BIRC6: variants seen among roughly 807,000 people sequenced by gnomAD.
BIRC6 encodes the protein dual E2 ubiquitin-conjugating enzyme/E3 ubiquitin-protein ligase BIRC6.
In BIRC6, 98 loss-of-function variants were observed where a neutral mutation model predicts 503.3. The ratio of observed to expected loss-of-function variants is 0.19; its 90% CI spans 0.17 to 0.23. The LOEUF (loss-of-function observed/expected upper bound fraction) is 0.23, where lower values mean the gene tolerates loss of function less well. Among genes scored for constraint, BIRC6 ranks in the 10% least tolerant of loss-of-function variants. BIRC6 has a pLI of 1.00. For synonymous variants in BIRC6, 2,240 were observed against 2,078.7 expected (o/e 1.08, Z -2.11); for missense variants, 5,360 against 5,806.0 (o/e 0.92, Z 2.50).
chr2:32,409,808 G>T (rs1449538928), intron 9 of BIRC6, among the ~76,000 whole-genome samples: 2 of 152,192 alleles, frequency 1.3e-5, no homozygotes, highest in African/African-American at 2.4e-5. Flanking sequence ...TTGTTTGTAG[G>T]TATTTGTGTA....
At chr2:32,478,931 A>G (rs1470035390) in intron 36 of BIRC6, 113 bp downstream of exon 36, 4 of 1,010,644 alleles carry the variant, frequency 4.0e-6, no homozygotes, top group Non-Finnish European at 4.4e-6. Flanking sequence ...CCCTAAAAGC[A>G]TAAAGGTCTG....
chr2:32,393,001 C>G (rs1223535178), intron 5 of BIRC6, among the ~76,000 whole-genome samples: 1 of 151,992 alleles, frequency 6.6e-6, no homozygotes, highest in Non-Finnish European at 1.5e-5. Context: ...GACAAGTATT[C>G]TCTTTTGATG....
intron 63 of BIRC6, among the ~76,000 whole-genome samples, chr2:32,547,463 G>A (rs2150354117): frequency 6.6e-6 from 1 of 152,222 alleles, no homozygotes; most frequent in South Asian, 2.1e-4. Context: ...CATGTAATGT[G>A]TTGTTCCTTG....
intron 26 of BIRC6, 99 bp downstream of exon 26, chr2:32,465,263 T>C: frequency 1.4e-6 from 1 of 705,520 alleles, no homozygotes; most frequent in Non-Finnish European, 2.3e-6. Context: ...TTTTTTTTTT[T>C]TTTTTTGCAA....
In BIRC6 at chr2:32,487,686, G is replaced by A. The variant is rs749164171; in HGVS notation, c.7853G>A (p.Gly2618Glu). ...SPTGTDDSLL[G>E]GLQAANQTSQ... ...ACTGGAACAGATGATTCACTTCTAG[G>A]GGGTTTACAAGCAGCAAACCAAACC... The change falls in exon 41 of 74, where the codon GGG becomes GAG. Residue 2618 changes from glycine to glutamate, a missense_variant. By Grantham distance (98) the Gly-to-Glu change is moderately conservative (BLOSUM62 -2). Coordinates refer to ENST00000421745, the MANE Select transcript of BIRC6 (RefSeq NM_016252.4). 5 of 1,613,568 alleles carry A rather than the reference G, an allele frequency of 3.1e-6. No individual in the cohort carries two copies. In the East Asian group the frequency reaches 1.1e-4, roughly 36 times the overall value.
chr2:32,378,467 T>C (rs894498420), intron 2 of BIRC6, among the ~76,000 whole-genome samples: 3 of 151,980 alleles, frequency 2.0e-5, no homozygotes, highest in African/African-American at 7.3e-5. Flanking sequence ...AATTTTTTTT[T>C]TTTTCTTTGA....
chr2:32,443,828 A>G lies in BIRC6; in HGVS notation c.4336+240A>G, dbSNP rs570232013. Reference sequence around the variant, plus strand: ...TATCAAGTCATCTCAATTCATAACTATTTTTCTGTACTTCATTACAATCAT... The same window carrying G: ...TATCAAGTCATCTCAATTCATAACTGTTTTTCTGTACTTCATTACAATCAT... On this transcript the variant is annotated intron_variant, in intron 20 of 73. Coordinates refer to ENST00000421745, the MANE Select transcript of BIRC6 (RefSeq NM_016252.4). Among the ~76,000 whole-genome samples the G allele has an allele frequency of 2.4e-4, 37 of 152,208 alleles. No homozygotes were observed. The South Asian group carries it at 7.5e-3, about 31-fold the overall frequency.
intron 20 of BIRC6, among the ~76,000 whole-genome samples, chr2:32,444,055 AC>A (rs1558741160): frequency 2.8e-5 from 4 of 141,338 alleles, no homozygotes; most frequent in African/African-American, 1.1e-4. Context: ...TTTTTAAAGC[AC>A]CTGAGGACTC....
At chr2:32,388,017 T>C (rs1043770871) in intron 3 of BIRC6, among the ~76,000 whole-genome samples, 1 of 152,192 alleles carries the variant, frequency 6.6e-6, no homozygotes, top group Non-Finnish European at 1.5e-5. Context: ...CTAATTAACA[T>C]ATCTATCAAC....
intron 33 of BIRC6, among the ~76,000 whole-genome samples, chr2:32,474,648 C>G (rs1317307265): frequency 3.3e-5 from 5 of 152,188 alleles, no homozygotes; most frequent in Admixed American, 3.3e-4. Flanking sequence ...TACTAACTTA[C>G]TGCCAAATGG....
intron 61 of BIRC6, among the ~76,000 whole-genome samples, chr2:32,540,952 G>T (rs1180589066): frequency 1.3e-5 from 2 of 152,054 alleles, no homozygotes; most frequent in African/African-American, 4.8e-5. Context: ...ATATATGATA[G>T]TGGTTTTAAT....
At chr2:32,483,861 A>G (rs976579475) in intron 39 of BIRC6, among the ~76,000 whole-genome samples, 2 of 152,158 alleles carry the variant, frequency 1.3e-5, no homozygotes, top group Non-Finnish European at 2.9e-5. Flanking sequence ...CTCTCTCATT[A>G]TTGGTGATGT....
chr2:32,420,002 G>A (rs544376110), intron 10 of BIRC6, among the ~76,000 whole-genome samples: 4 of 152,248 alleles, frequency 2.6e-5, no homozygotes, highest in African/African-American at 9.6e-5. Flanking sequence ...AAAATATATT[G>A]ATTGACTTTT....
At position 32,499,633 on chromosome 2, in the gene BIRC6, C is replaced by T. The variant is rs766263462; in HGVS notation, c.8555C>T (p.Ser2852Leu). ...FTLEQNFEVV[S>L]VSTISAVIES... is the part of the protein sequence containing the mutation. ...CTGGAGCAGAATTTTGAAGTCGTTT[C>T]AGTTAGTACTATTTCTGCCGTGATA... Residue 2852 changes from serine to leucine, a missense_variant, in exon 46 of 74, where the codon TCA (serine) becomes TTA (leucine). Ser to Leu is a moderately radical substitution (Grantham distance 145). This residue lies in a region of BIRC6 where 2,299 missense variants were observed against 2,267.2 expected (regional missense o/e 1.01). Transcript: ENST00000421745. 1 of 1,613,702 alleles carries T rather than the reference C, an allele frequency of 6.2e-7. No individual in the cohort carries two copies. Among genetic ancestry groups the T allele is most frequent in the African/African-American group, 1.3e-5 (1 of 74,860 alleles).
intron 8 of BIRC6, among the ~76,000 whole-genome samples, chr2:32,404,315 T>C (rs1458093481): frequency 1.3e-5 from 2 of 152,086 alleles, no homozygotes; most frequent in Non-Finnish European, 2.9e-5. Context: ...ATTTTATTCA[T>C]ATAATTTTTT....
Position 32,467,672 on chromosome 2 carries a change from C to T in BIRC6, c.5504C>T (p.Thr1835Ile). Residue 1835 changes from threonine to isoleucine, a missense_variant, in exon 27 of 74, where the codon ACT (threonine) becomes ATT (isoleucine). Around this residue, in one of 16 missense-constraint regions of BIRC6, gnomAD observed 2,299 missense variants for 2,267.2 expected, o/e 1.01. Coordinates refer to ENST00000421745, the MANE Select transcript of BIRC6 (RefSeq NM_016252.4). ...GATGGAAGGCGGTTGGTAGTGGCAACTGATATAAGCACTCATTCACTAATT... is the reference window on the plus strand; with the variant it reads ...GATGGAAGGCGGTTGGTAGTGGCAATTGATATAAGCACTCATTCACTAATT... ...EVDGRRLVVA[T>I]DISTHSLILH... is the part of the protein sequence containing the mutation. 6.2e-7 allele frequency: 1 copy of T among 1,613,876 alleles called. No individual in the cohort carries two copies. The highest frequency in any genetic ancestry group is 8.5e-7 in the Non-Finnish European group (1 of 1,179,864).
chr2:32,601,034 T>A (rs1355197327), intron 70 of BIRC6, among the ~76,000 whole-genome samples: 1 of 152,250 alleles, frequency 6.6e-6, no homozygotes, highest in Non-Finnish European at 1.5e-5. Context: ...ATAATATTTT[T>A]AAAAACTTTA....
rs960524765 is a variant in BIRC6, at chr2:32,467,240, T to C, written c.5357-285T>C. ...TGGAGCTCCTCGGCTCAAGCAATTC[T>C]CCTGTCTCAGGTCCCCCAGTAGCTG... On this transcript the variant is annotated intron_variant, in intron 26 of 73. Coordinates refer to ENST00000421745, the MANE Select transcript of BIRC6 (RefSeq NM_016252.4). 2.0e-5 allele frequency among the ~76,000 whole-genome samples: 3 copies of C among 152,252 alleles called. No homozygotes were observed. The South Asian group carries it at 6.2e-4, about 32-fold the overall frequency.
chr2:32,613,711 C>CAA (rs2063043701), intron 73 of BIRC6, among the ~76,000 whole-genome samples: 3 of 152,194 alleles, frequency 2.0e-5, no homozygotes, highest in Non-Finnish European at 4.4e-5. Context: ...TCTGCGTCTA[C>CAA]CTGTTAAAAC....
Sources: allele counts gnomAD v4.1 joint callset (sites outside exome capture counted in the v4.1 genomes callset), GRCh38; gene constraint gnomAD v4.1.1; regional missense constraint gnomAD v4.1.1; transcripts MANE v1.5; gene names NCBI Gene and HGNC (gene_info 2026-07-23, HGNC 2026-07-21).